Variants in KMT2C observed in about 807,000 individuals in gnomAD.
KMT2C encodes the protein lysine methyltransferase 2C, also known as histone-lysine N-methyltransferase 2C.
A neutral mutation model predicts 507.9 loss-of-function variants in KMT2C; 88 were observed. The ratio of observed to expected loss-of-function variants is 0.17; its 90% confidence interval spans 0.15 to 0.21. The LOEUF is 0.21. Ranked by LOEUF, KMT2C falls within the 10% of genes least tolerant of loss-of-function variation. KMT2C has a pLI of 1.00. For missense variants in KMT2C, 4,954 were observed against 5,957.8 expected (o/e 0.83, Z 5.55); for synonymous variants, 2,049 against 2,080.8 (o/e 0.98, Z 0.42).
chr7:152,219,278 C>CTACT (rs2094689636), intron 23 of KMT2C, among the ~76,000 whole-genome samples: 2 of 151,924 alleles, frequency 1.3e-5, no homozygotes, highest in African/African-American at 4.8e-5. Flanking sequence ...CCAGGCAATT[C>CTACT]TTATCAAACT....
At chr7:152,297,035 A>AAGAAAGAAAGACAGAC (rs2096510726) in intron 6 of KMT2C, among the ~76,000 whole-genome samples, 1 of 97,036 alleles carries the variant, frequency 1.0e-5, no homozygotes, top group African/African-American at 5.2e-5. Context: ...GAAAGAAAGA[A>AAGAAAGAAAGACAGAC]AGAAAGAAAG....
At chr7:152,183,568 C>G (rs905285298) in intron 34 of KMT2C, among the ~76,000 whole-genome samples, 1 of 151,848 alleles carries the variant, frequency 6.6e-6, no homozygotes, top group Non-Finnish European at 1.5e-5. Flanking sequence ...TTGAGATCAG[C>G]CTGACCAACA....
intron 6 of KMT2C, among the ~76,000 whole-genome samples, chr7:152,307,195 GAGGA>G (rs565184971): frequency 0.19 from 12,186 of 64,334 alleles, 1,022 homozygotes; most frequent in African/African-American, 0.21. Context: ...AAAGAAGAGG[GAGGA>G]AGGAAGGAAG....
chr7:152,284,529 G>A (rs534697194), intron 6 of KMT2C, among the ~76,000 whole-genome samples: 1 of 152,074 alleles, frequency 6.6e-6, no homozygotes, highest in African/African-American at 2.4e-5. Flanking sequence ...AGCATAAACA[G>A]CATAATTTTT....
intron 1 of KMT2C, chr7:152,367,265 AC>A: frequency 7.5e-7 from 1 of 1,331,376 alleles, no homozygotes; most frequent in Non-Finnish European, 1.1e-6. Flanking sequence ...GAAGGAACCA[AC>A]ATTCAAAGCA....
At position 152,194,009 on chromosome 7, in the gene KMT2C, C is replaced by A; in HGVS notation, c.4660G>T (p.Asp1554Tyr). ...PTQLLPIHNQ[D>Y]AFSRMPLMNG... ...GTAGAATTATAAAGTCATAACATAC[C>A]CTGATTGTGTATTGGCAACAGCTGT... The change falls in exon 31 of 59, where the codon GAT (aspartate) becomes TAT (tyrosine). Residue 1554 changes from aspartate (D) to tyrosine (Y), a missense_variant and splice_region_variant. Asp to Tyr is a radical substitution (Grantham distance 160, BLOSUM62 -3). Coordinates refer to ENST00000262189, the MANE Select transcript of KMT2C (RefSeq NM_170606.3). The A allele has an allele frequency of 6.5e-7, 1 of 1,545,458 alleles. No homozygotes were observed. The highest frequency in any genetic ancestry group is 8.7e-7 in the Non-Finnish European group (1 of 1,154,568).
intron 2 of KMT2C, among the ~76,000 whole-genome samples, chr7:152,345,520 GTGTTTGTT>G (rs375976664): frequency 3.3e-5 from 5 of 152,104 alleles, no homozygotes; most frequent in African/African-American, 9.7e-5. Context: ...ATAATAGGTT[GTGTTTGTT>G]TGTTTGTTTG....
intron 2 of KMT2C, among the ~76,000 whole-genome samples, chr7:152,342,722 G>A (rs564190531): frequency 4.6e-5 from 7 of 152,292 alleles, no homozygotes; most frequent in Admixed American, 2.6e-4. Context: ...ACGGTTTTGT[G>A]TTTTACCTCT....
chr7:152,427,752 C>T (rs2097832830), intron 1 of KMT2C, among the ~76,000 whole-genome samples: 1 of 152,180 alleles, frequency 6.6e-6, no homozygotes, highest in Admixed American at 6.5e-5. Context: ...TCAGTGATTA[C>T]ATGTTAAGTC....
chr7:152,244,986 G>A (rs1299317955), intron 14 of KMT2C, among the ~76,000 whole-genome samples: 1 of 152,138 alleles, frequency 6.6e-6, no homozygotes, highest in Non-Finnish European at 1.5e-5. Context: ...GATAATGGAT[G>A]TCCAATACCT....
At chr7:152,268,657 G>A (rs1012966626) in intron 7 of KMT2C, among the ~76,000 whole-genome samples, 2 of 152,054 alleles carry the variant, frequency 1.3e-5, no homozygotes, top group Non-Finnish European at 2.9e-5. Context: ...GACAGTACCA[G>A]TATTTATCTT....
intron 51 of KMT2C, among the ~76,000 whole-genome samples, chr7:152,149,870 C>G (rs1659783371): frequency 6.6e-6 from 1 of 152,120 alleles, no homozygotes; most frequent in South Asian, 2.1e-4. Context: ...AAAGACATGC[C>G]TTATACCAAA....
intron 41 of KMT2C, 27 bp from the exon 42 acceptor site, chr7:152,167,405 G>C: frequency 2.0e-6 from 3 of 1,488,310 alleles, no homozygotes; most frequent in Non-Finnish European, 2.8e-6. Context: ...ATTCAGTTGT[G>C]TTAATTTTCT....
chr7:152,227,309 T>A (rs969032524), intron 18 of KMT2C, among the ~76,000 whole-genome samples: 1 of 152,196 alleles, frequency 6.6e-6, no homozygotes, highest in Non-Finnish European at 1.5e-5. Context: ...GTTTTAAAAG[T>A]TTTTTCAAAT....
chr7:152,225,348 A>T (rs1351359235), intron 18 of KMT2C, among the ~76,000 whole-genome samples: 1 of 152,258 alleles, frequency 6.6e-6, no homozygotes, highest in Non-Finnish European at 1.5e-5. Flanking sequence ...ATCATGAGGT[A>T]CATGAAAGCC....
rs2090952429 is a variant in KMT2C, at chr7:152,144,933, A to T, written c.14175-52T>A. On this transcript the variant is annotated intron_variant, in intron 54 of 58. Coordinates refer to ENST00000262189, the MANE Select transcript of KMT2C (RefSeq NM_170606.3). This position sits in a 1 kb window ranked among gnomAD's most constrained non-coding sequence, Gnocchi z 4.4. Reference sequence around the variant, plus strand: ...AAAAAATACAAGGAAAACTGAAGATACCTCTGAGTAATGCCCAAAACCAGG... The same window carrying T: ...AAAAAATACAAGGAAAACTGAAGATTCCTCTGAGTAATGCCCAAAACCAGG... The T allele has an allele frequency of 2.0e-6, 3 of 1,533,688 alleles. No homozygotes were observed. The highest frequency in any genetic ancestry group is 2.7e-6 in the Non-Finnish European group (3 of 1,131,108).
intron 1 of KMT2C, among the ~76,000 whole-genome samples, chr7:152,435,403 G>A (rs2097908089): frequency 6.7e-6 from 1 of 149,932 alleles, no homozygotes; most frequent in Non-Finnish European, 1.5e-5. Flanking sequence ...GCCGGGCGCC[G>A]GCGGGAGCCC....
intron 40 of KMT2C, among the ~76,000 whole-genome samples, chr7:152,170,167 A>C (rs1398313811): frequency 6.6e-6 from 1 of 152,228 alleles, no homozygotes; most frequent in African/African-American, 2.4e-5. Flanking sequence ...TTGCACAGTA[A>C]ATTCATAGTG....
intron 9 of KMT2C, among the ~76,000 whole-genome samples, chr7:152,253,615 G>A (rs2095599339): frequency 6.6e-6 from 1 of 151,588 alleles, no homozygotes; most frequent in South Asian, 2.1e-4. Context: ...AATTGCTTGA[G>A]CCTAGGAGTT....
Sources: gnomAD v4.1 joint callset for allele counts (sites outside exome capture counted in the v4.1 genomes callset) on GRCh38, gnomAD v4.1.1 for gene constraint, Gnocchi (gnomAD v3.1) non-coding constraint, MANE v1.5 for transcripts, NCBI Gene and HGNC (gene_info 2026-07-23, HGNC 2026-07-21) for gene names.